NPFFR2: variants seen among roughly 807,000 people sequenced by gnomAD.
NPFFR2 encodes the protein G-protein coupled receptor 74.
NPFFR2 carries 15 observed loss-of-function variants against 13.1 expected under a neutral mutation model. The observed-to-expected ratio is 1.15, with a 90% CI of 0.77 to 1.76. NPFFR2 has a LOEUF of 1.76. NPFFR2 is among the 40% of genes most tolerant of loss of function. The pLI is 0.00. For missense variants in NPFFR2, 572 were observed against 503.5 expected, an observed-to-expected ratio of 1.14 and a Z score of -1.30; for synonymous variants, 190 against 175.7, an observed-to-expected ratio of 1.08 and a Z score of -0.65.
At chr4:72,099,543 C>G (rs925833591) in intron 1 of NPFFR2, among the ~76,000 whole-genome samples, 2 of 152,000 alleles carry the variant, frequency 1.3e-5, no homozygotes, top group Admixed American at 6.6e-5. Flanking sequence ...AAAGCTAGAG[C>G]AGGCATATCA....
At chr4:72,140,032 G>A (rs1722552606) in intron 3 of NPFFR2, among the ~76,000 whole-genome samples, 1 of 152,114 alleles carries the variant, frequency 6.6e-6, no homozygotes, top group South Asian at 2.1e-4. Context: ...GTGAATGGGA[G>A]TTCACTCATG....
At chr4:72,050,638 GT>G in intron 1 of NPFFR2, among the ~76,000 whole-genome samples, 1 of 151,888 alleles carries the variant, frequency 6.6e-6, no homozygotes, top group East Asian at 1.9e-4. Flanking sequence ...TATACTTTAA[GT>G]TTTAGGGTAC....
chr4:72,114,939 A>C (rs143907235), intron 1 of NPFFR2, among the ~76,000 whole-genome samples: 1 of 152,300 alleles, frequency 6.6e-6, no homozygotes, highest in Non-Finnish European at 1.5e-5. Flanking sequence ...CTTCACCTAA[A>C]AATGGGAACA....
At position 72,147,957 on chromosome 4, in the gene NPFFR2, T is replaced by G; in HGVS notation, c.*145T>G. 3.4e-6 allele frequency: 2 copies of G among 592,932 alleles called. No individual in the cohort carries two copies. The highest frequency in any genetic ancestry group is 6.0e-5 in the East Asian group (2 of 33,576). 36.7% of individuals were successfully genotyped at this position (592,932 alleles called of 1,614,324 possible). ...CCCTCTCTGGCAAAAAAATTAAAAA[T>G]AAACAAAAATGGTCATAAGATCATA... On this transcript the variant is annotated 3_prime_UTR_variant, in exon 4 of 4. Transcript: ENST00000308744.
chr4:72,062,641 G>A (rs1719952916), intron 1 of NPFFR2, among the ~76,000 whole-genome samples: 4 of 152,040 alleles, frequency 2.6e-5, no homozygotes, highest in African/African-American at 7.2e-5. Flanking sequence ...TTTAATATGG[G>A]CTGCACATGT....
chr4:72,079,907 A>T (rs1004726078), intron 1 of NPFFR2, among the ~76,000 whole-genome samples: 1 of 152,180 alleles, frequency 6.6e-6, no homozygotes, highest in Non-Finnish European at 1.5e-5. Flanking sequence ...AATGAGGAAA[A>T]CAGAAAAAAA....
At chr4:72,036,026 T>G (rs562874184) in intron 1 of NPFFR2, among the ~76,000 whole-genome samples, 1 of 152,280 alleles carries the variant, frequency 6.6e-6, no homozygotes, top group East Asian at 1.9e-4. Flanking sequence ...CCCACAAAAT[T>G]TAGAAAGCAT....
intron 1 of NPFFR2, among the ~76,000 whole-genome samples, chr4:72,096,463 C>T (rs1721074976): frequency 6.6e-6 from 1 of 151,994 alleles, no homozygotes; most frequent in Admixed American, 6.6e-5. Context: ...TAAAGTATTA[C>T]AAGACAAACA....
chr4:72,058,904 C>T (rs892784106), intron 1 of NPFFR2, among the ~76,000 whole-genome samples: 1 of 152,058 alleles, frequency 6.6e-6, no homozygotes, highest in Non-Finnish European at 1.5e-5. Flanking sequence ...AACTTCATAG[C>T]TCTAGCAAAT....
Position 72,060,851 on chromosome 4 carries a change from A to G in NPFFR2, c.-8+28651A>G, listed in dbSNP as rs534152904. On this transcript the variant is annotated intron_variant, in intron 1 of 3. Transcript: ENST00000308744. ...AAACCTTGCCTTTAATGGACATTTC[A>G]TTCTATTAAAAAACCTGTGATAATT... Among the ~76,000 whole-genome samples, 119 of 152,238 alleles carry G rather than the reference A, an allele frequency of 7.8e-4. 1 individual carries two copies. Among genetic ancestry groups the G allele is most frequent in the Non-Finnish European group, 1.3e-3 (91 of 68,000 alleles).
At position 72,140,926 on chromosome 4, in the gene NPFFR2, G is replaced by A. The variant is rs538552660; in HGVS notation, c.428+2787G>A. On this transcript the variant is annotated intron_variant, in intron 3 of 3. Transcript: ENST00000308744. The stretch of plus-strand genomic sequence containing the variant: ...TTTGGTTGGTAAGCTATTAATTATT[G>A]CCTCAATTTCAGAGCCTGTTATTGG... Among the ~76,000 whole-genome samples the A allele has an allele frequency of 2.6e-5, 4 of 152,088 alleles. No homozygotes were observed. The South Asian group carries it at 8.3e-4, about 32-fold the overall frequency.
At chr4:72,113,725 G>A (rs991797944) in intron 1 of NPFFR2, among the ~76,000 whole-genome samples, 8 of 152,050 alleles carry the variant, frequency 5.3e-5, no homozygotes, top group African/African-American at 1.9e-4. Context: ...CAACCAAGAG[G>A]CTCAGACAGC....
chr4:72,082,721 G>T (rs149162358), intron 1 of NPFFR2, among the ~76,000 whole-genome samples: 5 of 152,066 alleles, frequency 3.3e-5, no homozygotes, highest in Non-Finnish European at 7.4e-5. Flanking sequence ...ATTATTAACT[G>T]TAATTACCTC....
chr4:72,037,898 G>A (rs76748717), intron 1 of NPFFR2, among the ~76,000 whole-genome samples: 10,160 of 152,188 alleles, frequency 0.067, 979 homozygotes, highest in East Asian at 0.48. Flanking sequence ...ACCAGCATGA[G>A]CTTGACCAAT....
chr4:72,104,373 C>T (rs550739069), intron 1 of NPFFR2, among the ~76,000 whole-genome samples: 1 of 152,164 alleles, frequency 6.6e-6, no homozygotes, highest in East Asian at 1.9e-4. Context: ...TTTCTTGAAG[C>T]TGCCAGAGCA....
intron 1 of NPFFR2, among the ~76,000 whole-genome samples, chr4:72,118,628 C>T (rs1157154947): frequency 2.0e-5 from 3 of 151,924 alleles, no homozygotes; most frequent in African/African-American, 7.2e-5. Flanking sequence ...TTTGAGACAG[C>T]AAATGCTTAA....
At chr4:72,117,601 G>GTTATA (rs60396492) in intron 1 of NPFFR2, among the ~76,000 whole-genome samples, 12,079 of 152,102 alleles carry the variant, frequency 0.079, 1,491 homozygotes, top group African/African-American at 0.26. Context: ...CTACTTCATT[G>GTTATA]TTCCCCAGTT....
At chr4:72,054,610 A>G (rs1386559482) in intron 1 of NPFFR2, among the ~76,000 whole-genome samples, 1 of 151,972 alleles carries the variant, frequency 6.6e-6, no homozygotes, top group African/African-American at 2.4e-5. Flanking sequence ...AAACCATGAA[A>G]GAAATAAACT....
chr4:72,116,622 G>T (rs186203882), intron 1 of NPFFR2, among the ~76,000 whole-genome samples: 1 of 152,164 alleles, frequency 6.6e-6, no homozygotes, highest in African/African-American at 2.4e-5. Flanking sequence ...AAAGCAAGAA[G>T]AAAAATACTT....
Sources: gnomAD v4.1 joint callset for allele counts (sites outside exome capture counted in the v4.1 genomes callset) on GRCh38, gnomAD v4.1.1 for gene constraint, MANE v1.5 for transcripts, NCBI Gene and HGNC (gene_info 2026-07-23, HGNC 2026-07-21) for gene names.